LRFN5: variants seen among roughly 807,000 people sequenced by gnomAD.
LRFN5 encodes the protein leucine rich repeat and fibronectin type III domain containing 5.
In LRFN5, 24 loss-of-function variants were observed where a neutral mutation model predicts 45.6. The ratio of observed to expected loss-of-function variants is 0.53; its 90% CI spans 0.38 to 0.74. LRFN5 has a LOEUF of 0.74. LRFN5 is among the 30% of genes least tolerant of loss of function. LRFN5 has a pLI of 0.00. For missense variants in LRFN5, 776 were observed against 861.5 expected (o/e 0.90, Z 1.24); for synonymous variants, 340 against 313.8 (o/e 1.08, Z -0.88).
At chr14:41,878,569 T>A (rs1890267094) in intron 2 of LRFN5, among the ~76,000 whole-genome samples, 1 of 152,178 alleles carries the variant, frequency 6.6e-6, no homozygotes, top group African/African-American at 2.4e-5. Flanking sequence ...AATAGACTCT[T>A]CTTTGAACAG....
In LRFN5 at chr14:41,607,981, C is replaced by T. The variant is rs1436465562; in HGVS notation, c.-778C>T. 6.6e-6 allele frequency: 1 copy of T among 152,258 alleles called. No individual in the cohort carries two copies. Among genetic ancestry groups the T allele is most frequent in the Non-Finnish European group, 1.5e-5 (1 of 68,066 alleles). The allele number at this position is 152,258 out of a possible 1,614,324, so 9.4% of individuals were successfully genotyped here. On this transcript the variant is annotated 5_prime_UTR_variant, in exon 1 of 6. Transcript: ENST00000298119. The stretch of plus-strand genomic sequence containing the variant: ...TTAAACTGCTTAACAAAATCCCCGA[C>T]TCTTCCTCAGCCCTTTCTCGGCTCC...
intron 1 of LRFN5, among the ~76,000 whole-genome samples, chr14:41,675,335 C>T (rs1881570074): frequency 6.6e-6 from 1 of 152,356 alleles, no homozygotes; most frequent in South Asian, 2.1e-4. Context: ...GTGAACCAGA[C>T]TCCGTCTGCA....
At chr14:41,630,229 T>C (rs1888486903) in intron 1 of LRFN5, among the ~76,000 whole-genome samples, 1 of 152,128 alleles carries the variant, frequency 6.6e-6, no homozygotes, top group Admixed American at 6.5e-5. Flanking sequence ...GGGGAAGAGC[T>C]AGGAAGGACC....
intron 2 of LRFN5, among the ~76,000 whole-genome samples, chr14:41,824,871 G>A (rs1483562402): frequency 6.6e-6 from 1 of 152,098 alleles, no homozygotes; most frequent in Non-Finnish European, 1.5e-5. Context: ...TCTGCAAGGG[G>A]AGAGGGGACT....
At chr14:41,871,104 G>C (rs994699174) in intron 2 of LRFN5, among the ~76,000 whole-genome samples, 6 of 151,636 alleles carry the variant, frequency 4.0e-5, no homozygotes, top group African/African-American at 4.9e-5. Flanking sequence ...AGAAAAAAAT[G>C]AGAAATGGGG....
chr14:41,902,022 T>C (rs1891115977), intron 5 of LRFN5, among the ~76,000 whole-genome samples: 1 of 151,994 alleles, frequency 6.6e-6, no homozygotes, highest in Non-Finnish European at 1.5e-5. Context: ...TTAGAAATCA[T>C]CTCCTTGCTT....
intron 1 of LRFN5, among the ~76,000 whole-genome samples, chr14:41,632,610 A>C (rs1888583168): frequency 6.6e-6 from 1 of 152,186 alleles, no homozygotes; most frequent in Admixed American, 6.5e-5. Context: ...TCTCAAAAAC[A>C]AAAATAAAAG....
At chr14:41,801,042 C>T (rs1887312041) in intron 2 of LRFN5, among the ~76,000 whole-genome samples, 1 of 151,980 alleles carries the variant, frequency 6.6e-6, no homozygotes, top group African/African-American at 2.4e-5. Context: ...GACAATATCA[C>T]ACTATATCTA....
At chr14:41,681,690 T>C (rs188003240) in intron 1 of LRFN5, among the ~76,000 whole-genome samples, 1 of 151,836 alleles carries the variant, frequency 6.6e-6, no homozygotes, top group Admixed American at 6.6e-5. Flanking sequence ...CAATAAGAAA[T>C]CATCTAAAGG....
At chr14:41,648,913 G>A (rs1022579497) in intron 1 of LRFN5, among the ~76,000 whole-genome samples, 5 of 152,092 alleles carry the variant, frequency 3.3e-5, no homozygotes, top group South Asian at 2.1e-4. Context: ...AATTGAAAAC[G>A]TGTAATTAAA....
In LRFN5 at chr14:41,855,404, T is replaced by C. The variant is rs575249840; in HGVS notation, c.-20-31202T>C. Among the ~76,000 whole-genome samples the C allele has an allele frequency of 2.6e-5, 4 of 152,306 alleles. No individual in the cohort carries two copies. The South Asian group carries it at 8.3e-4, about 32-fold the overall frequency. On this transcript the variant is annotated intron_variant, in intron 2 of 5. Coordinates refer to ENST00000298119, the MANE Select transcript of LRFN5 (RefSeq NM_152447.5). Reference sequence around the variant, plus strand: ...AGCCTTACTGTTTTGTAATTTGGAATGTATGATATTTTAATACCACTGAAC... The same window carrying C: ...AGCCTTACTGTTTTGTAATTTGGAACGTATGATATTTTAATACCACTGAAC...
chr14:41,754,213 G>A (rs1885270515), intron 1 of LRFN5, among the ~76,000 whole-genome samples: 1 of 152,096 alleles, frequency 6.6e-6, no homozygotes, highest in Non-Finnish European at 1.5e-5. Context: ...GGGGATATTG[G>A]TCTAAAATTC....
At chr14:41,672,828 C>T (rs1303166704) in intron 1 of LRFN5, among the ~76,000 whole-genome samples, 2 of 152,094 alleles carry the variant, frequency 1.3e-5, no homozygotes, top group Admixed American at 6.6e-5. Flanking sequence ...AAATGATGGA[C>T]ACACAGAATA....
intron 2 of LRFN5, among the ~76,000 whole-genome samples, chr14:41,810,929 T>C (rs954143150): frequency 3.2e-5 from 2 of 62,450 alleles, no homozygotes; most frequent in Non-Finnish European, 5.9e-5. Flanking sequence ...TTGATGGTTG[T>C]GGTTTTTTTA....
At chr14:41,672,225 G>A (rs1441569505) in intron 1 of LRFN5, among the ~76,000 whole-genome samples, 1 of 152,130 alleles carries the variant, frequency 6.6e-6, no homozygotes, top group African/African-American at 2.4e-5. Flanking sequence ...TTGGCATTAG[G>A]AAGTACTCTG....
intron 1 of LRFN5, among the ~76,000 whole-genome samples, chr14:41,737,715 A>G (rs1253772208): frequency 4.6e-5 from 7 of 152,160 alleles, no homozygotes; most frequent in Admixed American, 4.6e-4. Flanking sequence ...TAATAGACAA[A>G]CAGCCAAATC....
chr14:41,843,655 C>A (rs1376924763), intron 2 of LRFN5, among the ~76,000 whole-genome samples: 1 of 152,048 alleles, frequency 6.6e-6, no homozygotes, highest in Non-Finnish European at 1.5e-5. Flanking sequence ...TGCTCCAGCA[C>A]CATTTACCAA....
At chr14:41,889,193 A>C (rs1890695536) in intron 3 of LRFN5, among the ~76,000 whole-genome samples, 1 of 151,420 alleles carries the variant, frequency 6.6e-6, no homozygotes, top group Admixed American at 6.6e-5. Flanking sequence ...TGAATTATTC[A>C]ATATAATTGA....
At chr14:41,614,977 A>G (rs770905298) in intron 1 of LRFN5, among the ~76,000 whole-genome samples, 2 of 152,046 alleles carry the variant, frequency 1.3e-5, no homozygotes, top group Non-Finnish European at 2.9e-5. Context: ...CAGGCAGAAG[A>G]TGTAAAGCAG....
Sources: allele counts gnomAD v4.1 joint callset (sites outside exome capture counted in the v4.1 genomes callset), GRCh38; gene constraint gnomAD v4.1.1; transcripts MANE v1.5; gene names NCBI Gene and HGNC (gene_info 2026-07-23, HGNC 2026-07-21).